The following SP110 variants were observed in gnomAD, a reference collection of about 807,000 sequenced individuals.
The protein encoded by SP110 is SP110 nuclear body protein, also known as interferon-induced protein 41, 30kD.
A neutral mutation model predicts 92.7 loss-of-function variants in SP110; 62 were observed. The observed-to-expected ratio is 0.67, with a 90% confidence interval of 0.55 to 0.83. SP110 has a LOEUF of 0.83. SP110 is among the 40% of genes least tolerant of loss of function. The pLI, the probability that SP110 is intolerant of heterozygous loss-of-function variation, is 0.00. For missense variants in SP110, 793 were observed against 863.9 expected (o/e 0.92, Z 1.03); for synonymous variants, 273 against 305.3 (o/e 0.89, Z 1.10).
At chr2:230,201,812 T>G (rs1219886622) in intron 9 of SP110, among the ~76,000 whole-genome samples, 2 of 152,238 alleles carry the variant, frequency 1.3e-5, no homozygotes, top group Admixed American at 6.5e-5. Context: ...TAACAGAGTA[T>G]GAAGTTAATT....
chr2:230,212,641 G>A, intron 4 of SP110, 120 bp downstream of exon 4: 1 of 1,353,490 alleles, frequency 7.4e-7, no homozygotes, highest in Admixed American at 1.7e-5. Context: ...TTGTGTTTGG[G>A]TAGATGGGTG....
intron 10 of SP110, among the ~76,000 whole-genome samples, chr2:230,190,654 T>G (rs75150338): frequency 7.4e-6 from 1 of 135,278 alleles, no homozygotes; most frequent in Non-Finnish European, 1.6e-5. Context: ...TGAATGATAT[T>G]GCTTCAGTTT....
chr2:230,179,488 C>T (rs1380529724), intron 12 of SP110, among the ~76,000 whole-genome samples: 2 of 48,924 alleles, frequency 4.1e-5, no homozygotes, highest in Admixed American at 5.1e-4. Flanking sequence ...GACTGGGGGG[C>T]AGGGAGGAGT....
rs752311175 is a variant in SP110, at chr2:230,212,998, C to G, written c.346G>C (p.Asp116His). 4.3e-6 allele frequency: 7 copies of G among 1,613,882 alleles called. No homozygotes were observed. Among genetic ancestry groups the G allele is most frequent in the East Asian group, 2.2e-5 (1 of 44,882 alleles). ...GGGGCTTCAAGTAGGATTGGTGTGT[C>G]TCTGCTCTGCCATTCATAGGAAGCA... ...VGASYEWQSR[D>H]TPILLEAPTG... The change falls in exon 4 of 19, where the codon GAC (aspartate) becomes CAC (histidine). Residue 116 changes from aspartate (D) to histidine (H), a missense_variant. By Grantham distance (81) the Asp-to-His change is moderately conservative. Transcript: ENST00000258381.
chr2:230,185,931 A>G, intron 11 of SP110, 63 bp downstream of exon 11: 1 of 1,403,144 alleles, frequency 7.1e-7, no homozygotes, highest in Non-Finnish European at 1.0e-6. Flanking sequence ...CTGACCCTGT[A>G]CTGCTCCAAG....
At chr2:230,216,607 A>G (rs1157356225) in intron 2 of SP110, among the ~76,000 whole-genome samples, 174 bp downstream of exon 2, 28 of 152,202 alleles carry the variant, frequency 1.8e-4, no homozygotes, top group Non-Finnish European at 5.9e-5. Flanking sequence ...CTAGAAACCA[A>G]CATAGCCCCT....
chr2:230,202,025 A>G (rs1426671537), intron 9 of SP110, among the ~76,000 whole-genome samples: 1 of 152,242 alleles, frequency 6.6e-6, no homozygotes, highest in Non-Finnish European at 1.5e-5. Context: ...GAATGCAGAA[A>G]CAGTTGTAGG....
In SP110 at chr2:230,211,927, G is replaced by C. The variant is rs1046909055; in HGVS notation, c.668-374C>G. Among the ~76,000 whole-genome samples the C allele has an allele frequency of 3.3e-5, 5 of 152,166 alleles. No individual in the cohort carries two copies. Among genetic ancestry groups the C allele is most frequent in the African/African-American group, 9.7e-5 (4 of 41,418 alleles). On this transcript the variant is annotated intron_variant, in intron 5 of 18. Coordinates refer to ENST00000258381, the MANE Select transcript of SP110 (RefSeq NM_080424.4). The surrounding 1 kb of genome is among the most constrained non-coding windows in gnomAD (Gnocchi z 4.2). ...GTTTAATGTAATCAAACTCCATTAT[G>C]ATGATGGTTTGGGGAGGACAAGTGA...
chr2:230,175,254 G>A (rs558422347), intron 14 of SP110, among the ~76,000 whole-genome samples: 10 of 152,244 alleles, frequency 6.6e-5, no homozygotes, highest in African/African-American at 2.4e-4. Context: ...CTAGCATTAA[G>A]TGTCCTGAAG....
chr2:230,180,872 T>C (rs2042099391), intron 12 of SP110, among the ~76,000 whole-genome samples: 1 of 152,190 alleles, frequency 6.6e-6, no homozygotes, highest in Admixed American at 6.5e-5. Flanking sequence ...TTTACATTTT[T>C]AGTGTAAAGG....
chr2:230,221,768 A>G (rs2045840249), upstream of SP110: 6 of 1,527,578 alleles, frequency 3.9e-6, no homozygotes, highest in African/African-American at 1.4e-5. Flanking sequence ...TGGCAGCAAG[A>G]ACTTCTTCCT....
In SP110 at chr2:230,168,165, G is replaced by GTATTAACT. The variant is rs2078343088; in HGVS notation, c.*951_*958dup. 1.4e-5 allele frequency: 2 copies of GTATTAACT among 143,812 alleles called. No individual in the cohort carries two copies. The highest frequency in any genetic ancestry group is 4.5e-4 in the South Asian group (2 of 4,408). 8.9% of individuals were successfully genotyped at this position (143,812 alleles called of 1,614,324 possible). On this transcript the variant is annotated 3_prime_UTR_variant, in exon 19 of 19. Transcript: ENST00000258381. Reference sequence around the variant, plus strand: ...GTGGGCAACTCAAGCATCAATAAAGGTATTAACTGCAATGGTTTGTAGCAT... The same window carrying GTATTAACT: ...GTGGGCAACTCAAGCATCAATAAAGGTATTAACTTATTAACTGCAATGGTTTGTAGCAT...
chr2:230,193,853 C>T lies in SP110; in HGVS notation c.1129+7032G>A, dbSNP rs140249643. On this transcript the variant is annotated intron_variant, in intron 10 of 18. Transcript: ENST00000258381. ...TTGGGGCCATTTTGGCAAGCTTAGA[C>T]AAAATCTTGAAGCACAGTATTTGTT... Among the ~76,000 whole-genome samples the T allele has an allele frequency of 7.9e-5, 12 of 152,276 alleles. No individual in the cohort carries two copies. In the East Asian group the frequency reaches 2.3e-3, roughly 29 times the overall value.
At chr2:230,224,729 C>T (rs758682725), upstream of SP110, among the ~76,000 whole-genome samples, 4 of 152,142 alleles carry the variant, frequency 2.6e-5, no homozygotes, top group Admixed American at 6.5e-5. Flanking sequence ...AAGTAGGATT[C>T]AGGAGCACAT....
upstream of SP110, among the ~76,000 whole-genome samples, chr2:230,220,477 G>T (rs1440861803): frequency 6.6e-6 from 1 of 152,182 alleles, no homozygotes; most frequent in Non-Finnish European, 1.5e-5. Context: ...ATTACAGGAA[G>T]AAATTGAAAT....
At position 230,200,876 on chromosome 2, in the gene SP110, A is replaced by C. The variant is rs760607836; in HGVS notation, c.1129+9T>G. ...CTGTACTCTGAGACCAGCAATCTCCAAGTTTTACCTTGTGTGACCCTTCGT... is the reference window on the plus strand; with the variant it reads ...CTGTACTCTGAGACCAGCAATCTCCCAGTTTTACCTTGTGTGACCCTTCGT... On this transcript the variant is annotated intron_variant, in intron 10 of 18. Coordinates refer to ENST00000258381, the MANE Select transcript of SP110 (RefSeq NM_080424.4). The C allele has an allele frequency of 1.2e-6, 2 of 1,603,472 alleles. No individual in the cohort carries two copies. The highest frequency in any genetic ancestry group is 8.5e-7 in the Non-Finnish European group (1 of 1,170,364).
At chr2:230,179,870 C>T (rs1050074482) in intron 12 of SP110, among the ~76,000 whole-genome samples, 4 of 152,082 alleles carry the variant, frequency 2.6e-5, no homozygotes, top group Admixed American at 1.3e-4. Context: ...ACATCAGTCC[C>T]TTCCTTACCC....
Position 230,211,643 on chromosome 2 carries a change from A to C in SP110, c.668-90T>G. ...AAGAGAATGCTCTATTCCAACAAGT[A>C]AAAATGACGGGGTAACAGCAACCAA... is the stretch of plus-strand genomic sequence containing the variant. On this transcript the variant is annotated intron_variant, in intron 5 of 18. Coordinates refer to ENST00000258381, the MANE Select transcript of SP110 (RefSeq NM_080424.4). The surrounding 1 kb of genome is among the most constrained non-coding windows in gnomAD (Gnocchi z 4.2). 1 of 848,572 alleles carries C rather than the reference A, an allele frequency of 1.2e-6. No individual in the cohort carries two copies. The highest frequency in any genetic ancestry group is 1.3e-5 in the South Asian group (1 of 74,364). The allele number at this position is 848,572 out of a possible 1,614,324, so 52.6% of individuals were successfully genotyped here. A position where few individuals can be genotyped will look rare whatever the true frequency, so the allele number is the denominator to read the frequency against.
chr2:230,193,554 T>C (rs1256602307), intron 10 of SP110, among the ~76,000 whole-genome samples: 1 of 152,350 alleles, frequency 6.6e-6, no homozygotes, highest in Middle Eastern at 3.4e-3. Context: ...GGTCTGGTAG[T>C]GACAAATTCC....
Sources: allele counts gnomAD v4.1 joint callset (sites outside exome capture counted in the v4.1 genomes callset), GRCh38; gene constraint gnomAD v4.1.1; non-coding constraint Gnocchi (gnomAD v3.1); transcripts MANE v1.5; gene names NCBI Gene and HGNC (gene_info 2026-07-23, HGNC 2026-07-21).